CSMD3: variants seen among roughly 807,000 people sequenced by gnomAD.
CSMD3 encodes the protein CUB and sushi domain-containing protein 3.
In CSMD3, 177 loss-of-function variants were observed where a neutral mutation model predicts 435.2. That is an observed-to-expected ratio of 0.41 (90% CI 0.36 to 0.46). CSMD3 has a LOEUF of 0.46. CSMD3 is among the 20% of genes least tolerant of loss of function. The pLI is 0.34. For missense variants in CSMD3, 4,265 were observed against 4,504.6 expected (o/e 0.95, Z 1.52); for synonymous variants, 1,656 against 1,520.5 (o/e 1.09, Z -2.07).
At chr8:113,092,668 G>A (rs887081844) in intron 5 of CSMD3, among the ~76,000 whole-genome samples, 2 of 151,964 alleles carry the variant, frequency 1.3e-5, no homozygotes, top group African/African-American at 2.4e-5. Context: ...TCTTCCTACC[G>A]TTTGAAGTGT....
intron 10 of CSMD3, among the ~76,000 whole-genome samples, chr8:112,862,312 T>C (rs2080849024): frequency 6.6e-6 from 1 of 152,042 alleles, no homozygotes. Context: ...CAAACATAGC[T>C]AATTCTATAA....
At chr8:113,353,484 A>T (rs934919864) in intron 1 of CSMD3, among the ~76,000 whole-genome samples, 1 of 152,178 alleles carries the variant, frequency 6.6e-6, no homozygotes. Flanking sequence ...TAAATTATTC[A>T]ATTGCCTCAA....
chr8:112,921,343 A>G (rs530930032), intron 10 of CSMD3, among the ~76,000 whole-genome samples: 15 of 152,064 alleles, frequency 9.9e-5, no homozygotes, highest in African/African-American at 3.6e-4. Flanking sequence ...CTATACAGAC[A>G]GGGTAATTGT....
chr8:112,656,444 TTTATA>T, intron 17 of CSMD3, 103 bp from the exon 18 acceptor site: 1 of 811,188 alleles, frequency 1.2e-6, no homozygotes, highest in East Asian at 2.9e-5. Context: ...ATTTTTCCAT[TTTATA>T]TTATAATTTT....
chr8:112,981,016 A>G (rs1447710056), intron 6 of CSMD3, among the ~76,000 whole-genome samples: 1 of 151,444 alleles, frequency 6.6e-6, no homozygotes, highest in East Asian at 1.9e-4. Context: ...TCTGACTAGG[A>G]GAATTTTAAG....
intron 10 of CSMD3, among the ~76,000 whole-genome samples, chr8:112,909,891 A>C (rs1010566496): frequency 6.6e-6 from 1 of 151,810 alleles, no homozygotes; most frequent in African/African-American, 2.4e-5. Flanking sequence ...TAGAAGAGGA[A>C]ATCATGAGCT....
chr8:112,988,936 G>C (rs2085349175), intron 6 of CSMD3, among the ~76,000 whole-genome samples: 1 of 152,016 alleles, frequency 6.6e-6, no homozygotes, highest in Non-Finnish European at 1.5e-5. Context: ...TTATACAGCT[G>C]CGGGTAAATA....
intron 5 of CSMD3, among the ~76,000 whole-genome samples, chr8:113,033,926 G>C (rs1274358742): frequency 6.6e-6 from 1 of 151,308 alleles, no homozygotes; most frequent in Admixed American, 6.6e-5. Context: ...GGAGTTCTCA[G>C]GAGATCTGAT....
chr8:113,177,858 T>G (rs925951066), intron 3 of CSMD3, among the ~76,000 whole-genome samples: 1 of 152,026 alleles, frequency 6.6e-6, no homozygotes, highest in African/African-American at 2.4e-5. Flanking sequence ...TTTGACAACA[T>G]AGACTATTCT....
intron 27 of CSMD3, among the ~76,000 whole-genome samples, chr8:112,545,914 C>T (rs560326988): frequency 6.6e-6 from 1 of 152,250 alleles, no homozygotes; most frequent in African/African-American, 2.4e-5. Flanking sequence ...TAAATAAGGA[C>T]TGTCCTTAGT....
At position 112,556,964 on chromosome 8, in the gene CSMD3, A is replaced by C; in HGVS notation, c.4043-10T>G. 1 of 1,596,994 alleles carries C rather than the reference A, an allele frequency of 6.3e-7. No individual in the cohort carries two copies. The highest frequency in any genetic ancestry group is 8.6e-7 in the Non-Finnish European group (1 of 1,165,406). On this transcript the variant is annotated splice_polypyrimidine_tract_variant and intron_variant, in intron 24 of 70. Transcript: ENST00000297405. Reference sequence around the variant, plus strand: ...TGTGAGAGTTCAAAACCTGGGACAAAAATATAAATTGATTAAAGGCAAAAT... The same window carrying C: ...TGTGAGAGTTCAAAACCTGGGACAACAATATAAATTGATTAAAGGCAAAAT...
In CSMD3 at chr8:113,120,933, C is replaced by T. The variant is rs974247843; in HGVS notation, c.710-21970G>A. Among the ~76,000 whole-genome samples the T allele has an allele frequency of 5.3e-5, 8 of 152,028 alleles. No homozygotes were observed. In the East Asian group the frequency reaches 1.2e-3, roughly 22 times the overall value. ...TGGGTGTTAGACACCCACATTTACA[C>T]GCAGGGCCTCAGAAACAACAATGCT... On this transcript the variant is annotated intron_variant, in intron 4 of 70. Coordinates refer to ENST00000297405, the MANE Select transcript of CSMD3 (RefSeq NM_198123.2).
chr8:112,861,680 T>A (rs955363664), intron 10 of CSMD3, among the ~76,000 whole-genome samples: 1 of 151,944 alleles, frequency 6.6e-6, no homozygotes, highest in African/African-American at 2.4e-5. Context: ...ACAGCACATT[T>A]ATACAAGTGT....
At chr8:112,620,965 A>G (rs1834022408) in intron 22 of CSMD3, among the ~76,000 whole-genome samples, 1 of 152,196 alleles carries the variant, frequency 6.6e-6, no homozygotes, top group Non-Finnish European at 1.5e-5. Context: ...GGCCAGGTGC[A>G]GTCGCTCATG....
At chr8:113,401,525 T>A (rs2094510013) in intron 1 of CSMD3, among the ~76,000 whole-genome samples, 1 of 151,676 alleles carries the variant, frequency 6.6e-6, no homozygotes, top group South Asian at 2.1e-4. Context: ...TCACATATTG[T>A]CACTATGTTA....
At chr8:112,835,024 A>T (rs2079980975) in intron 11 of CSMD3, among the ~76,000 whole-genome samples, 1 of 151,880 alleles carries the variant, frequency 6.6e-6, no homozygotes. Flanking sequence ...CCATTGTGAA[A>T]TGGTAATTCC....
intron 13 of CSMD3, among the ~76,000 whole-genome samples, chr8:112,751,016 G>C (rs1258432471): frequency 6.6e-6 from 1 of 151,656 alleles, no homozygotes; most frequent in Non-Finnish European, 1.5e-5. Flanking sequence ...TTATATGCCA[G>C]AAGTCCTTGA....
chr8:113,175,685 G>T (rs1260243950), intron 3 of CSMD3, among the ~76,000 whole-genome samples: 1 of 151,898 alleles, frequency 6.6e-6, no homozygotes, highest in South Asian at 2.1e-4. Flanking sequence ...TTTGTTCCAA[G>T]AGACAGTGAG....
chr8:113,070,243 A>C (rs899189587), intron 5 of CSMD3, among the ~76,000 whole-genome samples: 1 of 152,088 alleles, frequency 6.6e-6, no homozygotes, highest in African/African-American at 2.4e-5. Context: ...CATAAATTCC[A>C]CAGGCCATAA....
Sources: gnomAD v4.1 joint callset for allele counts (sites outside exome capture counted in the v4.1 genomes callset) on GRCh38, gnomAD v4.1.1 for gene constraint, MANE v1.5 for transcripts, NCBI Gene and HGNC (gene_info 2026-07-23, HGNC 2026-07-21) for gene names.